CENPP: variants seen among roughly 807,000 people sequenced by gnomAD.
CENPP encodes centromere protein P.
A neutral mutation model predicts 35.6 loss-of-function variants in CENPP; 24 were observed. The observed-to-expected ratio is 0.67, with a 90% confidence interval of 0.49 to 0.95. The LOEUF (loss-of-function observed/expected upper bound fraction) is 0.95, where lower values mean the gene tolerates loss of function less well. CENPP is among the 40% of genes least tolerant of loss of function. The probability of loss-of-function intolerance (pLI) is 0.00; values close to 1 mark genes in which losing one functional copy is unlikely to be tolerated. For synonymous variants in CENPP, 120 were observed against 125.5 expected (o/e 0.96, Z 0.29); for missense variants, 332 against 345.3 (o/e 0.96, Z 0.31).
At chr9:92,349,201 G>T (rs538785098) in intron 4 of CENPP, among the ~76,000 whole-genome samples, 1 of 152,006 alleles carries the variant, frequency 6.6e-6, no homozygotes, top group Non-Finnish European at 1.5e-5. Flanking sequence ...CTGCAACTTC[G>T]CAGAGTCTTT....
chr9:92,508,456 G>A (rs1478697153), intron 5 of CENPP, among the ~76,000 whole-genome samples: 1 of 152,230 alleles, frequency 6.6e-6, no homozygotes, highest in East Asian at 1.9e-4. Context: ...AGGGGTGTGT[G>A]AAAGCACGTT....
At chr9:92,591,021 A>G (rs149188368) in intron 5 of CENPP, among the ~76,000 whole-genome samples, 94 of 152,360 alleles carry the variant, frequency 6.2e-4, no homozygotes, top group African/African-American at 2.2e-3. Context: ...ATACTTTCAG[A>G]TAAGTTTAAA....
chr9:92,365,404 CTCT>C (rs1394686155), intron 4 of CENPP, among the ~76,000 whole-genome samples: 1 of 116,138 alleles, frequency 8.6e-6, no homozygotes, highest in Non-Finnish European at 1.7e-5. Flanking sequence ...ATTATAACTA[CTCT>C]TTTTTTTTTT....
chr9:92,544,711 A>C (rs984858434), intron 5 of CENPP, among the ~76,000 whole-genome samples: 5 of 118,848 alleles, frequency 4.2e-5, no homozygotes, highest in African/African-American at 1.9e-4. Context: ...TATCACTATA[A>C]ATTTTTTTTT....
chr9:92,399,850 A>G (rs1843036673), intron 5 of CENPP, among the ~76,000 whole-genome samples: 1 of 151,958 alleles, frequency 6.6e-6, no homozygotes, highest in Non-Finnish European at 1.5e-5. Context: ...ATTCTATTTC[A>G]TTGATCTTTT....
chr9:92,393,081 C>G, intron 5 of CENPP: 1 of 1,611,742 alleles, frequency 6.2e-7, no homozygotes, highest in Non-Finnish European at 8.5e-7. Flanking sequence ...TTCAGCTTAA[C>G]TTACGTATGT....
intron 5 of CENPP, among the ~76,000 whole-genome samples, chr9:92,577,893 C>A (rs1335675638): frequency 1.3e-5 from 2 of 151,598 alleles, no homozygotes; most frequent in East Asian, 3.9e-4. Flanking sequence ...TGGTGCACTG[C>A]ACCCACTAAC....
At chr9:92,400,428 C>T (rs563211518) in intron 5 of CENPP, among the ~76,000 whole-genome samples, 2 of 152,336 alleles carry the variant, frequency 1.3e-5, no homozygotes, top group African/African-American at 2.4e-5. Context: ...GGATTACAGG[C>T]GTGAGCCACC....
chr9:92,466,276 A>T, intron 5 of CENPP: 3 of 918,378 alleles, frequency 3.3e-6, no homozygotes, highest in Non-Finnish European at 5.0e-6. Context: ...TTTGGAAATT[A>T]TTCTTAATAG....
chr9:92,325,972 C>A lies in CENPP; in HGVS notation c.-27C>A. ...CAGGTCGGAGTGACAGCTGCGCTGCCGGCCCGGCTGCGGTCAGCAACGCGC... is the reference window on the plus strand; with the variant it reads ...CAGGTCGGAGTGACAGCTGCGCTGCAGGCCCGGCTGCGGTCAGCAACGCGC... On this transcript the variant is annotated 5_prime_UTR_variant, in exon 1 of 8. Coordinates refer to ENST00000375587, the MANE Select transcript of CENPP (RefSeq NM_001012267.3). The A allele has an allele frequency of 3.3e-6, 5 of 1,537,070 alleles. No individual in the cohort carries two copies. The highest frequency in any genetic ancestry group is 4.4e-6 in the Non-Finnish European group (5 of 1,135,748).
At chr9:92,565,336 A>C (rs1849943202) in intron 5 of CENPP, among the ~76,000 whole-genome samples, 1 of 139,660 alleles carries the variant, frequency 7.2e-6, no homozygotes, top group African/African-American at 2.7e-5. Context: ...ATAATGTTTT[A>C]AGAACGTTTA....
chr9:92,410,508 CTGG>C (rs1455553689), intron 5 of CENPP, among the ~76,000 whole-genome samples: 1 of 152,162 alleles, frequency 6.6e-6, no homozygotes, highest in East Asian at 1.9e-4. Flanking sequence ...CATCCTCACC[CTGG>C]TGGGCCATCC....
At chr9:92,566,480 A>C (rs1849971478) in intron 5 of CENPP, among the ~76,000 whole-genome samples, 1 of 152,170 alleles carries the variant, frequency 6.6e-6, no homozygotes, top group Non-Finnish European at 1.5e-5. Flanking sequence ...GGAGAAAGTC[A>C]AGAAAATGAT....
intron 5 of CENPP, among the ~76,000 whole-genome samples, chr9:92,387,924 C>A (rs1327164926): frequency 1.4e-5 from 2 of 146,264 alleles, no homozygotes; most frequent in African/African-American, 5.0e-5. Flanking sequence ...CCACCACGCC[C>A]AGCTAATTTT....
chr9:92,597,516 TTTTCTGTGTATATCTGGAA>T (rs1419023796), intron 5 of CENPP, among the ~76,000 whole-genome samples: 1 of 152,238 alleles, frequency 6.6e-6, no homozygotes, highest in Non-Finnish European at 1.5e-5. Flanking sequence ...AATGATAAAA[TTTTCTGTGTATATCTGGAA>T]TATTACTTTC....
intron 2 of CENPP, among the ~76,000 whole-genome samples, chr9:92,334,121 GTTT>G (rs11423555): frequency 2.2e-5 from 3 of 133,966 alleles, no homozygotes; most frequent in Admixed American, 1.5e-4. Flanking sequence ...TGAGAGTAGG[GTTT>G]TTTTTTTTTT....
At chr9:92,555,214 A>ATT (rs34701393) in intron 5 of CENPP, among the ~76,000 whole-genome samples, 1,441 of 63,426 alleles carry the variant, frequency 0.023, 95 homozygotes, top group East Asian at 0.06. Flanking sequence ...TTTTTTGGAA[A>ATT]TTTTTTTTTT....
chr9:92,408,860 C>A (rs939731488), intron 5 of CENPP, among the ~76,000 whole-genome samples: 1 of 152,030 alleles, frequency 6.6e-6, no homozygotes, highest in African/African-American at 2.4e-5. Context: ...ACACATAGAC[C>A]CTTTTTAATC....
chr9:92,397,340 G>A (rs542404588), intron 5 of CENPP, among the ~76,000 whole-genome samples: 2 of 152,088 alleles, frequency 1.3e-5, no homozygotes, highest in African/African-American at 4.8e-5. Flanking sequence ...TTGTTCATTT[G>A]TTTTTAAGAC....
Sources: allele counts gnomAD v4.1 joint callset (sites outside exome capture counted in the v4.1 genomes callset), GRCh38; gene constraint gnomAD v4.1.1; transcripts MANE v1.5; gene names NCBI Gene and HGNC (gene_info 2026-07-23, HGNC 2026-07-21).